The following DAW1 variants were observed in gnomAD, a reference collection of about 807,000 sequenced individuals.
The protein encoded by DAW1 is dynein assembly factor with WD repeats 1, also known as dynein assembly factor with WD repeat domains 1.
DAW1 carries 47 observed loss-of-function variants against 56.5 expected under a neutral mutation model. The observed-to-expected ratio is 0.83, with a 90% CI of 0.66 to 1.06. The LOEUF (loss-of-function observed/expected upper bound fraction) is 1.06. DAW1 is among the 50% of genes least tolerant of loss of function. DAW1 has a pLI of 0.00. For missense variants in DAW1, 505 were observed against 499.3 expected (o/e 1.01, Z -0.11); for synonymous variants, 190 against 179.0 (o/e 1.06, Z -0.49).
At chr2:227,892,811 A>T (rs1234450190) in intron 4 of DAW1, among the ~76,000 whole-genome samples, 4 of 152,134 alleles carry the variant, frequency 2.6e-5, no homozygotes, top group Non-Finnish European at 5.9e-5. Flanking sequence ...TATTTTTGTT[A>T]TACTTTTGAA....
chr2:227,908,871 T>C (rs1330983929), intron 10 of DAW1, among the ~76,000 whole-genome samples: 1 of 152,186 alleles, frequency 6.6e-6, no homozygotes, highest in Non-Finnish European at 1.5e-5. Flanking sequence ...GTATGAACTA[T>C]GTGTCATCTT....
At position 227,871,715 on chromosome 2, in the gene DAW1, G is replaced by C; in HGVS notation, c.26G>C (p.Arg9Pro). ...ATGAAGCTCAAGAGCCTCCTGCTCC[G>C]GTATTACCCGCCAGGTACGCACCAG... MKLKSLLL[R>P]YYPPGIMLEY... Residue 9 changes from arginine to proline, a missense_variant, in exon 1 of 13, where the codon CGG (arginine) becomes CCG (proline). Coordinates refer to ENST00000309931, the MANE Select transcript of DAW1 (RefSeq NM_178821.3). 2 of 1,613,940 alleles carry C rather than the reference G, an allele frequency of 1.2e-6. No individual in the cohort carries two copies. Among genetic ancestry groups the C allele is most frequent in the Non-Finnish European group, 1.7e-6 (2 of 1,179,922 alleles).
In DAW1 at chr2:227,888,445, C is replaced by G. The variant is rs1574652832; in HGVS notation, c.114-1411C>G. Among the ~76,000 whole-genome samples the G allele has an allele frequency of 2.6e-5, 4 of 152,296 alleles. No individual in the cohort carries two copies. In the South Asian group the frequency reaches 8.3e-4, roughly 32 times the overall value. Reference sequence around the variant, plus strand: ...TCTGACCTCGATGAAGAAGGCGGGACAACAGAATCTCTGCCAATCTGGAAG... The same window carrying G: ...TCTGACCTCGATGAAGAAGGCGGGAGAACAGAATCTCTGCCAATCTGGAAG... On this transcript the variant is annotated intron_variant, in intron 2 of 12. Coordinates refer to ENST00000309931, the MANE Select transcript of DAW1 (RefSeq NM_178821.3).
intron 4 of DAW1, among the ~76,000 whole-genome samples, chr2:227,893,266 T>C (rs1304690554): frequency 6.8e-6 from 1 of 146,782 alleles, no homozygotes; most frequent in East Asian, 2.2e-4. Flanking sequence ...CAAGACTCTG[T>C]CTCGGGGGTG....
chr2:227,921,273 C>T, intron 11 of DAW1, 126 bp from the exon 12 acceptor site: 10 of 995,952 alleles, frequency 1.0e-5, no homozygotes, highest in Non-Finnish European at 1.3e-5. Context: ...GAATAAATAC[C>T]AGACTAGGAA....
chr2:227,886,914 A>G (rs1470172252), intron 2 of DAW1, among the ~76,000 whole-genome samples: 1 of 152,264 alleles, frequency 6.6e-6, no homozygotes, highest in Non-Finnish European at 1.5e-5. Context: ...AAAAGAAACA[A>G]AACAAAAATG....
chr2:227,912,390 A>T, intron 10 of DAW1: 1 of 1,304,660 alleles, frequency 7.7e-7, no homozygotes, highest in Non-Finnish European at 1.0e-6. Flanking sequence ...ATCATGTTTG[A>T]TGTTATCCGG....
At chr2:227,881,173 A>C (rs563174747) in intron 1 of DAW1, among the ~76,000 whole-genome samples, 85 of 152,372 alleles carry the variant, frequency 5.6e-4, no homozygotes, top group African/African-American at 1.9e-3. Flanking sequence ...AAGGACAGAG[A>C]ATGTCCAATG....
At chr2:227,917,112 G>GTATC (rs57043132) in intron 10 of DAW1, among the ~76,000 whole-genome samples, 5,206 of 148,230 alleles carry the variant, frequency 0.035, 137 homozygotes, top group Non-Finnish European at 0.047. Context: ...ATGCATGACA[G>GTATC]TATCTATCTA....
chr2:227,904,382 T>TCC (rs1374462017), intron 7 of DAW1, among the ~76,000 whole-genome samples: 1 of 152,184 alleles, frequency 6.6e-6, no homozygotes, highest in African/African-American at 2.4e-5. Context: ...TTCTTCCCAT[T>TCC]ATCTTACAGT....
At position 227,876,343 on chromosome 2, in the gene DAW1, G is replaced by A. The variant is rs114797494; in HGVS notation, c.40+4614G>A. The A allele has an allele frequency of 4.9e-4, 494 of 1,015,648 alleles. 2 individuals carry two copies. In the African/African-American group the frequency reaches 6.6e-3, roughly 14 times the overall value. The allele number at this position is 1,015,648 out of a possible 1,614,324, so 62.9% of individuals were successfully genotyped here. A position where few individuals can be genotyped will look rare whatever the true frequency, so the allele number is the denominator to read the frequency against. ...CCAAGCCTAGGATTCTTAGGCTCACGTAATTCTCTTGACTCATGTTTGCGA... is the reference window on the plus strand; with the variant it reads ...CCAAGCCTAGGATTCTTAGGCTCACATAATTCTCTTGACTCATGTTTGCGA... On this transcript the variant is annotated intron_variant, in intron 1 of 12. Transcript: ENST00000309931.
intron 2 of DAW1, 42 bp from the exon 3 acceptor site, chr2:227,889,814 T>C (rs1213183088): frequency 6.6e-7 from 1 of 1,515,478 alleles, no homozygotes; most frequent in Admixed American, 2.4e-5. Flanking sequence ...TATGCAAATT[T>C]TGACATAAAA....
intron 10 of DAW1, 58 bp downstream of exon 10, chr2:227,907,310 C>T (rs1289348146): frequency 1.2e-5 from 17 of 1,402,454 alleles, no homozygotes; most frequent in Non-Finnish European, 1.6e-5. Context: ...GCTTGATAAC[C>T]ATGCATAATT....
intron 10 of DAW1, among the ~76,000 whole-genome samples, chr2:227,914,454 G>A (rs979595594): frequency 2.0e-5 from 3 of 151,954 alleles, no homozygotes; most frequent in African/African-American, 7.3e-5. Context: ...CATAAATAGT[G>A]ATTACTACTT....
chr2:227,919,209 GAA>G (rs58496380), intron 11 of DAW1, among the ~76,000 whole-genome samples: 63,577 of 134,788 alleles, frequency 0.47, 14,733 homozygotes, highest in Middle Eastern at 0.58. Context: ...AAAAAAAAAA[GAA>G]AAAAAAAAAA....
chr2:227,891,139 T>C, intron 3 of DAW1, 116 bp from the exon 4 acceptor site: 2 of 842,498 alleles, frequency 2.4e-6, no homozygotes, highest in Non-Finnish European at 3.9e-6. Flanking sequence ...AAATCAGATA[T>C]TGCCTGTTTC....
At chr2:227,890,060 A>G in intron 3 of DAW1, 60 bp downstream of exon 3, 1 of 1,430,600 alleles carries the variant, frequency 7.0e-7, no homozygotes, top group Non-Finnish European at 9.2e-7. Flanking sequence ...ATATTTTATT[A>G]ATTTTTCTTT....
chr2:227,912,591 G>T, intron 10 of DAW1: 1 of 1,179,994 alleles, frequency 8.5e-7, no homozygotes, highest in Non-Finnish European at 1.1e-6. Context: ...TGTCATCTCA[G>T]TGATGACCGC....
At chr2:227,919,480 T>A (rs1692055318) in intron 11 of DAW1, among the ~76,000 whole-genome samples, 1 of 152,204 alleles carries the variant, frequency 6.6e-6, no homozygotes, top group Non-Finnish European at 1.5e-5. Flanking sequence ...CTGCTTTTCC[T>A]GGTTCCGGTA....
Sources: gnomAD v4.1 joint callset for allele counts (sites outside exome capture counted in the v4.1 genomes callset) on GRCh38, gnomAD v4.1.1 for gene constraint, MANE v1.5 for transcripts, NCBI Gene and HGNC (gene_info 2026-07-23, HGNC 2026-07-21) for gene names.